The following BCAS3 variants were observed in gnomAD, a reference collection of about 807,000 sequenced individuals.
BCAS3 encodes the protein BCAS3 microtubule associated cell migration factor.
In BCAS3, 53 loss-of-function variants were observed where a neutral mutation model predicts 116.1. The observed-to-expected ratio is 0.46, with a 90% confidence interval of 0.37 to 0.57. The LOEUF (loss-of-function observed/expected upper bound fraction) is 0.57, where lower values mean the gene tolerates loss of function less well. BCAS3 is among the 20% of genes least tolerant of loss of function. The probability of loss-of-function intolerance (pLI) is 0.00; values close to 1 mark genes in which losing one functional copy is unlikely to be tolerated. For synonymous variants in BCAS3, 391 were observed against 408.2 expected, an observed-to-expected ratio of 0.96 and a Z score of 0.51; for missense variants, 917 against 1,165.4, an observed-to-expected ratio of 0.79 and a Z score of 3.10.
chr17:61,372,628 C>T lies in BCAS3; in HGVS notation c.2593+4134C>T, dbSNP rs116259226. The stretch of plus-strand genomic sequence containing the variant: ...CACTGCCCTCGCTCCAGACTCATCT[C>T]TTGCTGCCCTGGGCCAGCTCCAGCC... On this transcript the variant is annotated intron_variant, in intron 23 of 23. Transcript: ENST00000407086. 3.2e-3 allele frequency among the ~76,000 whole-genome samples: 483 copies of T among 152,302 alleles called. 7 individuals carry two copies. The highest frequency in any genetic ancestry group is 0.011 in the African/African-American group (463 of 41,558).
intron 14 of BCAS3, among the ~76,000 whole-genome samples, chr17:60,970,403 T>G (rs1408379964): frequency 6.6e-6 from 1 of 152,092 alleles, no homozygotes; most frequent in Non-Finnish European, 1.5e-5. Context: ...ATATAGAAAT[T>G]AAATATTAAT....
chr17:61,105,613 G>A lies in BCAS3; in HGVS notation c.2425+21049G>A, dbSNP rs2074595536. Among the ~76,000 whole-genome samples, 1 of 151,994 alleles carries A rather than the reference G, an allele frequency of 6.6e-6. No homozygotes were observed. The highest frequency in any genetic ancestry group is 1.5e-5 in the Non-Finnish European group (1 of 67,992). ...CTAATTTTGTATTTTTTTTAGTATA[G>A]ATGGGGTTTCTCCATGTTGGTCAGG... On this transcript the variant is annotated intron_variant, in intron 22 of 23. Coordinates refer to ENST00000407086, the MANE Select transcript of BCAS3 (RefSeq NM_017679.5). The surrounding 1 kb of genome is among the most constrained non-coding windows in gnomAD (Gnocchi z 4.3).
At chr17:61,311,852 C>G (rs1429052121) in intron 22 of BCAS3, among the ~76,000 whole-genome samples, 1 of 152,134 alleles carries the variant, frequency 6.6e-6, no homozygotes, top group Non-Finnish European at 1.5e-5. Context: ...TGAGATCACG[C>G]TACTGCACTC....
intron 10 of BCAS3, among the ~76,000 whole-genome samples, chr17:60,900,359 G>C (rs2057805124): frequency 6.6e-6 from 1 of 151,990 alleles, no homozygotes; most frequent in African/African-American, 2.4e-5. Context: ...GAGGGTAGAG[G>C]GTCTCTTTCC....
At position 61,122,034 on chromosome 17, in the gene BCAS3, A is replaced by G. The variant is rs1032734087; in HGVS notation, c.2425+37470A>G. 6.6e-6 allele frequency among the ~76,000 whole-genome samples: 1 copy of G among 152,188 alleles called. No individual in the cohort carries two copies. ...TGAGCCACTGTGCCCGGCCAAAAAC[A>G]TATGATTTTTACAAAAGAAAATTTA... On this transcript the variant is annotated intron_variant, in intron 22 of 23. Transcript: ENST00000407086. This position sits in a 1 kb window ranked among gnomAD's most constrained non-coding sequence, Gnocchi z 4.6.
At chr17:60,743,422 AGGTAC>A (rs1174552704) in intron 5 of BCAS3, among the ~76,000 whole-genome samples, 1 of 151,978 alleles carries the variant, frequency 6.6e-6, no homozygotes, top group Non-Finnish European at 1.5e-5. Flanking sequence ...TTTGGTTCAG[AGGTAC>A]GTTAACATTT....
chr17:61,294,685 GT>G (rs2052731926), intron 22 of BCAS3, among the ~76,000 whole-genome samples: 1 of 152,140 alleles, frequency 6.6e-6, no homozygotes, highest in Non-Finnish European at 1.5e-5. Context: ...CATCTCTTCT[GT>G]CCCTGTATTT....
chr17:61,047,641 G>A (rs945180753), intron 19 of BCAS3, among the ~76,000 whole-genome samples: 3 of 151,930 alleles, frequency 2.0e-5, no homozygotes, highest in African/African-American at 7.2e-5. Context: ...ATATTTCAGT[G>A]TATTCCTTTG....
chr17:61,286,780 T>C lies in BCAS3; in HGVS notation c.2426-81547T>C, dbSNP rs952954333. 6.6e-6 allele frequency among the ~76,000 whole-genome samples: 1 copy of C among 152,168 alleles called. No homozygotes were observed. Among genetic ancestry groups the C allele is most frequent in the Non-Finnish European group, 1.5e-5 (1 of 68,036 alleles). On this transcript the variant is annotated intron_variant, in intron 22 of 23. Transcript: ENST00000407086. This position sits in a 1 kb window ranked among gnomAD's most constrained non-coding sequence, Gnocchi z 4.8. ...CTTACCAGAGTGAGAAGTTAGCATA[T>C]TGAGGCAAATTACACTACAGAGATC...
chr17:61,201,949 CG>C (rs1232804269), intron 22 of BCAS3, among the ~76,000 whole-genome samples: 1 of 150,930 alleles, frequency 6.6e-6, no homozygotes, highest in Non-Finnish European at 1.5e-5. Context: ...TAGTAGAGAC[CG>C]GGTTTCACCA....
At chr17:61,094,048 G>A (rs2073805584) in intron 22 of BCAS3, among the ~76,000 whole-genome samples, 1 of 152,198 alleles carries the variant, frequency 6.6e-6, no homozygotes. Context: ...GTGAAATTTA[G>A]TATAGATGGT....
chr17:61,024,572 A>C (rs768275106), intron 16 of BCAS3, among the ~76,000 whole-genome samples: 1 of 151,994 alleles, frequency 6.6e-6, no homozygotes, highest in Non-Finnish European at 1.5e-5. Flanking sequence ...GCATTTTAGG[A>C]TTATGGGACA....
At chr17:61,096,880 A>AG (rs2143634183) in intron 22 of BCAS3, among the ~76,000 whole-genome samples, 1 of 152,348 alleles carries the variant, frequency 6.6e-6, no homozygotes, top group Non-Finnish European at 1.5e-5. Context: ...GAAATAAAAT[A>AG]GAACTCACTG....
Position 61,161,374 on chromosome 17 carries a change from G to A in BCAS3, c.2425+76810G>A, listed in dbSNP as rs891564086. On this transcript the variant is annotated intron_variant, in intron 22 of 23. Coordinates refer to ENST00000407086, the MANE Select transcript of BCAS3 (RefSeq NM_017679.5). This position sits in a 1 kb window ranked among gnomAD's most constrained non-coding sequence, Gnocchi z 4.8. The stretch of plus-strand genomic sequence containing the variant: ...CATTTGGAATTTAGAAAAGGCCTGG[G>A]ATGGATTTTGATCATGTTACAAGGC... Among the ~76,000 whole-genome samples the A allele has an allele frequency of 6.6e-6, 1 of 152,170 alleles. No homozygotes were observed. Among genetic ancestry groups the A allele is most frequent in the Non-Finnish European group, 1.5e-5 (1 of 68,038 alleles).
At chr17:60,750,129 T>C (rs994544717) in intron 6 of BCAS3, among the ~76,000 whole-genome samples, 1 of 151,672 alleles carries the variant, frequency 6.6e-6, no homozygotes, top group Non-Finnish European at 1.5e-5. Context: ...GTAGCACCAT[T>C]GCATTCCAGT....
chr17:60,774,540 A>G (rs552367067), intron 6 of BCAS3, among the ~76,000 whole-genome samples: 1 of 152,314 alleles, frequency 6.6e-6, no homozygotes, highest in African/African-American at 2.4e-5. Flanking sequence ...GCTCAGGACT[A>G]TTTTGTATTC....
chr17:60,976,234 C>T (rs1392167382), intron 14 of BCAS3, among the ~76,000 whole-genome samples: 1 of 150,984 alleles, frequency 6.6e-6, no homozygotes, highest in Non-Finnish European at 1.5e-5. Context: ...CCGTGTTAGC[C>T]AGGATGGTCT....
rs371178241 is a variant in BCAS3, at chr17:61,285,231, T to TTGTGTGTGTGTGTGTG, written c.2426-83084_2426-83069dup. Among the ~76,000 whole-genome samples, 1,703 of 140,060 alleles carry TTGTGTGTGTGTGTGTG rather than the reference T, an allele frequency of 0.012. 26 individuals carry two copies. The highest frequency in any genetic ancestry group is 0.045 in the African/African-American group (1,468 of 32,924). 91.9% of individuals were successfully genotyped at this position (140,060 alleles called of 152,430 possible). ...GTTTTGCTTTTCCCCTCCTCCTAGG[T>TTGTGTGTGTGTGTGTG]TGTGTGTGTGTGTGTGTGTGTGTGT... On this transcript the variant is annotated intron_variant, in intron 22 of 23. Transcript: ENST00000407086. The surrounding 1 kb of genome is among the most constrained non-coding windows in gnomAD (Gnocchi z 5.4).
At chr17:60,772,581 T>C (rs2044829603) in intron 6 of BCAS3, among the ~76,000 whole-genome samples, 1 of 152,112 alleles carries the variant, frequency 6.6e-6, no homozygotes, top group African/African-American at 2.4e-5. Flanking sequence ...CGGATATCTT[T>C]AAAAAGGCTT....
Sources: allele counts gnomAD v4.1 joint callset (sites outside exome capture counted in the v4.1 genomes callset), GRCh38; gene constraint gnomAD v4.1.1; non-coding constraint Gnocchi (gnomAD v3.1); transcripts MANE v1.5; gene names NCBI Gene and HGNC (gene_info 2026-07-23, HGNC 2026-07-21).